CAD: variants seen among roughly 807,000 people sequenced by gnomAD.
CAD encodes the protein carbamoyl-phosphate synthetase 2, aspartate transcarbamylase, and dihydroorotase.
A neutral mutation model predicts 237.2 loss-of-function variants in CAD; 81 were observed. The ratio of observed to expected loss-of-function variants is 0.34; its 90% CI spans 0.29 to 0.41. The LOEUF is 0.41. CAD is among the 10% of genes least tolerant of loss of function. The probability of loss-of-function intolerance (pLI) is 1.00; values close to 1 mark genes in which losing one functional copy is unlikely to be tolerated. For missense variants in CAD, 2,181 were observed against 2,951.7 expected (o/e 0.74, Z 6.05); for synonymous variants, 1,196 against 1,162.8 (o/e 1.03, Z -0.58).
In CAD at chr2:27,243,779, T is replaced by C. The variant is rs544047230; in HGVS notation, c.*261T>C. Reference sequence around the variant, plus strand: ...ACTGACTTAATAAACAGCCGAGCTGTCCCTTGATGCTGAGTGTAGTAGAAC... The same window carrying C: ...ACTGACTTAATAAACAGCCGAGCTGCCCCTTGATGCTGAGTGTAGTAGAAC... On this transcript the variant is annotated 3_prime_UTR_variant, in exon 44 of 44. Coordinates refer to ENST00000264705, the MANE Select transcript of CAD (RefSeq NM_004341.5). 29 of 493,072 alleles carry C rather than the reference T, an allele frequency of 5.9e-5. No homozygotes were observed. The South Asian group carries it at 7.8e-4, about 13-fold the overall frequency. 30.5% of individuals were successfully genotyped at this position (493,072 alleles called of 1,614,324 possible).
intron 15 of CAD, among the ~76,000 whole-genome samples, chr2:27,230,863 C>T (rs1675715827): frequency 6.6e-6 from 1 of 152,180 alleles, no homozygotes; most frequent in Non-Finnish European, 1.5e-5. Flanking sequence ...TTCCAGTATC[C>T]AGTGTATGGG....
Position 27,222,342 on chromosome 2 carries a change from G to A in CAD, c.495+6G>A, listed in dbSNP as rs1176323918. 6.2e-6 allele frequency: 10 copies of A among 1,606,262 alleles called. No individual in the cohort carries two copies. Among genetic ancestry groups the A allele is most frequent in the African/African-American group, 1.3e-5 (1 of 74,892 alleles). On this transcript the variant is annotated splice_donor_region_variant and intron_variant, in intron 4 of 43. Transcript: ENST00000264705. ...TACCAGAGGTCTCCATTAAGGTACA[G>A]AGGTAGAGTGGGAGAGTGTTGCAAG...
At chr2:27,218,377 C>T (rs1256309134) in intron 2 of CAD, among the ~76,000 whole-genome samples, 7 of 152,180 alleles carry the variant, frequency 4.6e-5, no homozygotes, top group African/African-American at 1.7e-4. Flanking sequence ...AGAAAAAAGC[C>T]TGCAGATAAG....
In CAD at chr2:27,221,362, AG is replaced by A; in HGVS notation, c.352+19del. 6.5e-7 allele frequency: 1 copy of A among 1,547,992 alleles called. No individual in the cohort carries two copies. ...TGGCTTGCAAGGTATGGTGGCAAGC[AG>A]GGGCATATTTGGGCAGAGCACAGCA... On this transcript the variant is annotated intron_variant, in intron 3 of 43. Coordinates refer to ENST00000264705, the MANE Select transcript of CAD (RefSeq NM_004341.5).
Position 27,232,262 on chromosome 2 carries a change from T to C in CAD, c.2645+38T>C. On this transcript the variant is annotated intron_variant, in intron 17 of 43. Coordinates refer to ENST00000264705, the MANE Select transcript of CAD (RefSeq NM_004341.5). The surrounding 1 kb of genome is among the most constrained non-coding windows in gnomAD (Gnocchi z 4.1). The stretch of plus-strand genomic sequence containing the variant: ...AATGAGAGCTTCCGGCTGGGAAATG[T>C]GGGGCAGAACCTTTGTATCAGTGAG... 1 of 1,609,770 alleles carries C rather than the reference T, an allele frequency of 6.2e-7. No individual in the cohort carries two copies. Among genetic ancestry groups the C allele is most frequent in the South Asian group, 1.1e-5 (1 of 90,736 alleles).
chr2:27,222,239 C>T lies in CAD; in HGVS notation c.398C>T (p.Ser133Phe), dbSNP rs1464085619. The part of the protein sequence containing the change: ...ELTKKLREQG[S>F]LLGKLVQNGT... ...ACCAAGAAGTTGCGGGAACAGGGGT[C>T]TCTGCTGGGGAAGCTGGTCCAGAAT... The change falls in exon 4 of 44, where the codon TCT becomes TTT. Residue 133 changes from serine (S) to phenylalanine (F), a missense_variant. Ser to Phe is a radical substitution (Grantham distance 155). Transcript: ENST00000264705. 1 of 1,613,916 alleles carries T rather than the reference C, an allele frequency of 6.2e-7. No individual in the cohort carries two copies. The highest frequency in any genetic ancestry group is 8.5e-7 in the Non-Finnish European group (1 of 1,179,998).
chr2:27,231,753 C>T (rs901199054), intron 16 of CAD, among the ~76,000 whole-genome samples, 173 bp downstream of exon 16: 1 of 152,204 alleles, frequency 6.6e-6, no homozygotes, highest in Non-Finnish European at 1.5e-5. Flanking sequence ...GGGTGTATTA[C>T]TAGACTTGTT....
In CAD at chr2:27,222,967, C is replaced by A. The variant is rs1558528340; in HGVS notation, c.739C>A (p.Pro247Thr). Residue 247 changes from proline (P) to threonine (T), a missense_variant, in exon 6 of 44, where the codon CCT (proline) becomes ACT (threonine). Pro to Thr is a conservative substitution (Grantham distance 38, BLOSUM62 -1). Transcript: ENST00000264705. ...SRVLSEPNPR[P>T]VFGICLGHQL... Reference sequence around the variant, plus strand: ...TGTTTTATCTGAGCCTAATCCCCGACCTGTCTTTGGGATCTGCCTGGGACA... The same window carrying A: ...TGTTTTATCTGAGCCTAATCCCCGAACTGTCTTTGGGATCTGCCTGGGACA... 2.5e-6 allele frequency: 4 copies of A among 1,614,194 alleles called. No individual in the cohort carries two copies. Among genetic ancestry groups the A allele is most frequent in the Non-Finnish European group, 3.4e-6 (4 of 1,180,036 alleles).
rs1675986222 is a variant in CAD, at chr2:27,236,031, A to C, written c.4075-253A>C. Among the ~76,000 whole-genome samples the C allele has an allele frequency of 6.6e-6, 1 of 152,200 alleles. No homozygotes were observed. The highest frequency in any genetic ancestry group is 2.1e-4 in the South Asian group (1 of 4,838). Reference sequence around the variant, plus strand: ...CCACTGTTCTGATATTTTTCCTTCCAGGATTTTCTCTGTGTACATGTGTGT... The same window carrying C: ...CCACTGTTCTGATATTTTTCCTTCCCGGATTTTCTCTGTGTACATGTGTGT... On this transcript the variant is annotated intron_variant, in intron 25 of 43. Coordinates refer to ENST00000264705, the MANE Select transcript of CAD (RefSeq NM_004341.5). The surrounding 1 kb of genome is among the most constrained non-coding windows in gnomAD (Gnocchi z 4.1).
In CAD at chr2:27,217,414, C is replaced by G. The variant is rs1195031153; in HGVS notation, c.-138C>G. The G allele has an allele frequency of 6.5e-6, 5 of 774,060 alleles. No homozygotes were observed. Among genetic ancestry groups the G allele is most frequent in the East Asian group, 2.9e-5 (1 of 34,904 alleles). The allele number at this position is 774,060 out of a possible 1,614,324, so 47.9% of individuals were successfully genotyped here. On this transcript the variant is annotated 5_prime_UTR_variant, in exon 1 of 44. Coordinates refer to ENST00000264705, the MANE Select transcript of CAD (RefSeq NM_004341.5). ...AGCGCGCCCGAGGCTCCTACGCTGC[C>G]GCGCCCGGCTTCTCTCCAGCGCCCC...
chr2:27,231,848 C>T, intron 16 of CAD, 132 bp from the exon 17 acceptor site: 1 of 1,044,964 alleles, frequency 9.6e-7, no homozygotes, highest in South Asian at 1.5e-5. Context: ...GGATTGGTAT[C>T]CAGGTTTTTG....
In CAD at chr2:27,235,913, C is replaced by T. The variant is rs536768312; in HGVS notation, c.4074+273C>T. 1.0e-5 allele frequency: 5 copies of T among 480,450 alleles called. No homozygotes were observed. The Admixed American group carries it at 1.9e-4, about 19-fold the overall frequency. 29.8% of individuals were successfully genotyped at this position (480,450 alleles called of 1,614,324 possible). A position where few individuals can be genotyped will look rare whatever the true frequency, so the allele number is the denominator to read the frequency against. ...CAAAGAATTATCTCCTATTCCCCTGCTTTTATTATTACCATTATACTAGTA... is the reference window on the plus strand; with the variant it reads ...CAAAGAATTATCTCCTATTCCCCTGTTTTTATTATTACCATTATACTAGTA... On this transcript the variant is annotated intron_variant, in intron 25 of 43. Transcript: ENST00000264705. This position sits in a 1 kb window ranked among gnomAD's most constrained non-coding sequence, Gnocchi z 5.2.
Position 27,242,834 on chromosome 2 carries a change from C to A in CAD, c.6379-38C>A. On this transcript the variant is annotated intron_variant, in intron 41 of 43. Coordinates refer to ENST00000264705, the MANE Select transcript of CAD (RefSeq NM_004341.5). The surrounding 1 kb of genome is among the most constrained non-coding windows in gnomAD (Gnocchi z 6.4). ...GAGATGTGGGTTGGGCAGTCAGAGC[C>A]CAGCGCTGCATCCACCATGGCTCTC... 4.3e-6 allele frequency: 7 copies of A among 1,613,686 alleles called. No individual in the cohort carries two copies. Among genetic ancestry groups the A allele is most frequent in the Non-Finnish European group, 5.9e-6 (7 of 1,179,578 alleles).
rs1558530005 is a variant in CAD at position 27,224,755 on chromosome 2, C to T, written c.1265C>T (p.Ala422Val). 6.2e-7 allele frequency: 1 copy of T among 1,614,180 alleles called. No individual in the cohort carries two copies. Among genetic ancestry groups the T allele is most frequent in the Admixed American group, 1.7e-5 (1 of 60,022 alleles). Reference protein sequence around the residue: ...FDYSGSQAIKALKEENIQTLL... With the variant: ...FDYSGSQAIKVLKEENIQTLL... Reference sequence around the variant, plus strand: ...TTCTTGTCCTTTTAGGCAATTAAGGCCCTGAAGGAGGAAAACATCCAGACG... The same window carrying T: ...TTCTTGTCCTTTTAGGCAATTAAGGTCCTGAAGGAGGAAAACATCCAGACG... Residue 422 changes from alanine (A) to valine (V), a missense_variant, in exon 10 of 44, where the codon GCC becomes GTC. Ala to Val is a moderately conservative substitution (Grantham distance 64). This residue lies in a region of CAD where 174 missense variants were observed against 215.8 expected (regional missense o/e 0.81). Transcript: ENST00000264705.
Position 27,232,392 on chromosome 2 carries a change from T to C in CAD, c.2646-56T>C. The C allele has an allele frequency of 5.6e-6, 9 of 1,606,812 alleles. No homozygotes were observed. Among genetic ancestry groups the C allele is most frequent in the Non-Finnish European group, 7.7e-6 (9 of 1,176,166 alleles). On this transcript the variant is annotated intron_variant, in intron 17 of 43. Coordinates refer to ENST00000264705, the MANE Select transcript of CAD (RefSeq NM_004341.5). The surrounding 1 kb of genome is among the most constrained non-coding windows in gnomAD (Gnocchi z 4.1). Reference sequence around the variant, plus strand: ...TCTGTGCCCTGGGGTCTCAACCCTCTATCAGTCTGTACCCTACTCTCTGGG... The same window carrying C: ...TCTGTGCCCTGGGGTCTCAACCCTCCATCAGTCTGTACCCTACTCTCTGGG...
chr2:27,222,092 G>A lies in CAD; in HGVS notation c.353-102G>A, dbSNP rs905609376. On this transcript the variant is annotated intron_variant, in intron 3 of 43. Coordinates refer to ENST00000264705, the MANE Select transcript of CAD (RefSeq NM_004341.5). ...GGATTTTGATGCACATAGAACAGCT[G>A]TGTGTGACTGGGGCTCTGGAATGGA... 21 of 1,165,648 alleles carry A rather than the reference G, an allele frequency of 1.8e-5. No individual in the cohort carries two copies. In the African/African-American group the frequency reaches 2.4e-4, roughly 14 times the overall value. 72.2% of individuals were successfully genotyped at this position (1,165,648 alleles called of 1,614,324 possible).
In CAD at chr2:27,225,249, AG is replaced by A; in HGVS notation, c.1620+10del. The A allele has an allele frequency of 6.8e-7, 1 of 1,476,444 alleles. No individual in the cohort carries two copies. Among genetic ancestry groups the A allele is most frequent in the Non-Finnish European group, 9.3e-7 (1 of 1,076,408 alleles). The allele number at this position is 1,476,444 out of a possible 1,614,324, so 91.5% of individuals were successfully genotyped here. A position where few individuals can be genotyped will look rare whatever the true frequency, so the allele number is the denominator to read the frequency against. ...CAGCAAATTCTCTTGAACAGGTTGG[AG>A]GGGTGTTTGGGTAAAGGAAGAATGG... On this transcript the variant is annotated splice_region_variant and intron_variant, in intron 11 of 43. Coordinates refer to ENST00000264705, the MANE Select transcript of CAD (RefSeq NM_004341.5).
In CAD at chr2:27,226,255, C is replaced by A. The variant is rs754544564; in HGVS notation, c.1967C>A (p.Thr656Asn). Reference sequence around the variant, plus strand: ...CTGAGGCAGACAGCTATCAAGGTGACCCAGCACCTGGGAATTGTTGGGGAG... The same window carrying A: ...CTGAGGCAGACAGCTATCAAGGTGAACCAGCACCTGGGAATTGTTGGGGAG... ...QLLRQTAIKV[T>N]QHLGIVGECN... is the part of the protein sequence containing the mutation. Residue 656 changes from threonine (T) to asparagine (N), a missense_variant, in exon 13 of 44, where the codon ACC becomes AAC. Transcript: ENST00000264705. 6.2e-7 allele frequency: 1 copy of A among 1,614,150 alleles called. No homozygotes were observed. Among genetic ancestry groups the A allele is most frequent in the Admixed American group, 1.7e-5 (1 of 60,018 alleles).
Position 27,222,597 on chromosome 2 carries a change from T to A in CAD, c.574T>A (p.Cys192Ser). The stretch of plus-strand genomic sequence containing the variant: ...TGGCCTCAAGTATAATCAGATCCGA[T>A]GCCTCTGCCAGCGTGGGGCTGAGGT... ...DCGLKYNQIR[C>S]LCQRGAEVTV... Residue 192 changes from cysteine (C) to serine (S), a missense_variant, in exon 5 of 44, where the codon TGC becomes AGC. Around this residue, in one of 12 missense-constraint regions of CAD, gnomAD observed 314 missense variants for 339.4 expected, o/e 0.93. Transcript: ENST00000264705. 6.2e-7 allele frequency: 1 copy of A among 1,614,162 alleles called. No individual in the cohort carries two copies. Among genetic ancestry groups the A allele is most frequent in the Non-Finnish European group, 8.5e-7 (1 of 1,180,012 alleles).
Sources: allele counts gnomAD v4.1 joint callset (sites outside exome capture counted in the v4.1 genomes callset), GRCh38; gene constraint gnomAD v4.1.1; regional missense constraint gnomAD v4.1.1; non-coding constraint Gnocchi (gnomAD v3.1); transcripts MANE v1.5; gene names NCBI Gene and HGNC (gene_info 2026-07-23, HGNC 2026-07-21).